Variants in P2RX5 observed in about 807,000 individuals in gnomAD.
The protein encoded by P2RX5 is purinergic receptor P2X 5.
In P2RX5, 46 loss-of-function variants were observed where a neutral mutation model predicts 54.1. The observed-to-expected ratio is 0.85, with a 90% confidence interval of 0.67 to 1.09. The LOEUF is 1.09. P2RX5 is among the 50% of genes least tolerant of loss of function. The pLI is 0.00. For missense variants in P2RX5, 566 were observed against 549.8 expected (o/e 1.03, Z -0.29); for synonymous variants, 226 against 226.4 (o/e 1.00, Z 0.02).
At chr17:3,722,853 G>A in the P2RX5 span, among the ~76,000 whole-genome samples, 1 of 152,206 alleles carries the variant, frequency 6.6e-6, no homozygotes, top group African/African-American at 2.4e-5. Context: ...GCTCTTAGAA[G>A]ACGGATAGCT....
At position 3,679,680 on chromosome 17, in the gene P2RX5, TGCTGCTCCG is replaced by T; in HGVS notation, c.1160_1168del (p.Pro387_Gln389del). ...CGCCTCGGGTGGCTCCTGCAGCTCC[TGCTGCTCCG>T]GCATCCCCAGCAGCCCTGGCCCAGA... On this transcript the variant is annotated inframe_deletion, in exon 11 of 12. Transcript: ENST00000225328. The T allele has an allele frequency of 6.2e-7, 1 of 1,611,764 alleles. No homozygotes were observed. Among genetic ancestry groups the T allele is most frequent in the East Asian group, 2.2e-5 (1 of 44,892 alleles).
the P2RX5 span, among the ~76,000 whole-genome samples, chr17:3,709,268 C>G: frequency 6.6e-6 from 1 of 152,170 alleles, no homozygotes; most frequent in Non-Finnish European, 1.5e-5. Context: ...CAGGTCATCT[C>G]AGCCTCTGAG....
In P2RX5 at chr17:3,696,022, G is replaced by A. The variant is rs1459063661; in HGVS notation, c.-17C>T. 1 of 1,612,846 alleles carries A rather than the reference G, an allele frequency of 6.2e-7. No individual in the cohort carries two copies. Among genetic ancestry groups the A allele is most frequent in the South Asian group, 1.1e-5 (1 of 91,052 alleles). On this transcript the variant is annotated 5_prime_UTR_variant, in exon 1 of 12. Coordinates refer to ENST00000225328, the MANE Select transcript of P2RX5 (RefSeq NM_002561.4). Reference sequence around the variant, plus strand: ...CTGCCCCATGGCGCGCTCTCAGCCGGGCTTGCGGACCGCCCGGCCCACGTG... The same window carrying A: ...CTGCCCCATGGCGCGCTCTCAGCCGAGCTTGCGGACCGCCCGGCCCACGTG...
intron 11 of P2RX5, chr17:3,675,581 T>A: frequency 1.0e-6 from 1 of 979,604 alleles, no homozygotes; most frequent in Middle Eastern, 5.3e-4. Context: ...TGAGACTGAG[T>A]CTCACTGTCG....
At chr17:3,721,178 C>T in the P2RX5 span, among the ~76,000 whole-genome samples, 1 of 151,704 alleles carries the variant, frequency 6.6e-6, no homozygotes, top group Non-Finnish European at 1.5e-5. Flanking sequence ...ATCCACCCAC[C>T]TTAGCCTCCC....
chr17:3,692,949 A>G (rs981077557), intron 1 of P2RX5, among the ~76,000 whole-genome samples: 2 of 152,348 alleles, frequency 1.3e-5, no homozygotes, highest in East Asian at 1.9e-4. Context: ...ATGTTCATGC[A>G]TCAAAAGACA....
Position 3,695,940 on chromosome 17 carries a change from G to A in P2RX5, c.66C>T (p.Val22=), listed in dbSNP as rs1567741962. Residue 22 remains valine, a synonymous_variant, in exon 1 of 12, where the codon GTC becomes GTT. Coordinates refer to ENST00000225328, the MANE Select transcript of P2RX5 (RefSeq NM_002561.4). The part of the protein sequence containing the change: ...SLFDYKTEKY[V]IAKNKKVGLL... ...GGCCCACCTTCTTGTTCTTGGCGAT[G>A]ACATACTTCTCGGTCTTGTAGTCGA... 13 of 1,613,988 alleles carry A rather than the reference G, an allele frequency of 8.1e-6. No homozygotes were observed. The highest frequency in any genetic ancestry group is 1.1e-5 in the Non-Finnish European group (13 of 1,179,966).
intron 11 of P2RX5, among the ~76,000 whole-genome samples, chr17:3,678,506 C>A (rs2050154504): frequency 6.6e-6 from 1 of 152,230 alleles, no homozygotes. Context: ...GCTCAGGGAG[C>A]ACAGGAGGGC....
intron 10 of P2RX5, among the ~76,000 whole-genome samples, chr17:3,680,873 C>A (rs222772): frequency 3.6e-4 from 31 of 86,502 alleles, no homozygotes; most frequent in East Asian, 2.3e-3. Context: ...GTCCTCCACC[C>A]AGTGTCCTCC....
chr17:3,691,409 C>T (rs2050613246), intron 2 of P2RX5, among the ~76,000 whole-genome samples: 1 of 152,244 alleles, frequency 6.6e-6, no homozygotes, highest in African/African-American at 2.4e-5. Context: ...CCCATTTGTT[C>T]TCAGCAGACT....
chr17:3,706,897 A>T, the P2RX5 span, among the ~76,000 whole-genome samples: 1 of 152,244 alleles, frequency 6.6e-6, no homozygotes, highest in Non-Finnish European at 1.5e-5. Context: ...GGCGTGCGCC[A>T]CTGCGCCCAC....
At chr17:3,701,263 T>G in the P2RX5 span, among the ~76,000 whole-genome samples, 43 of 152,198 alleles carry the variant, frequency 2.8e-4, no homozygotes, top group Admixed American at 7.9e-4. Flanking sequence ...CATCAGCTAT[T>G]GTTAGTGTGA....
chr17:3,710,132 T>C, the P2RX5 span, among the ~76,000 whole-genome samples: 1 of 151,608 alleles, frequency 6.6e-6, no homozygotes, highest in African/African-American at 2.4e-5. Context: ...GCAGATTATT[T>C]AAGACTGCAG....
intron 11 of P2RX5, chr17:3,675,446 C>T (rs529534735): frequency 2.0e-6 from 2 of 985,418 alleles, no homozygotes; most frequent in African/African-American, 3.5e-5. Flanking sequence ...AGCCATGACC[C>T]CTGCCTTTTT....
the P2RX5 span, among the ~76,000 whole-genome samples, chr17:3,705,960 ATT>A: frequency 1.4e-4 from 20 of 142,030 alleles, no homozygotes; most frequent in Non-Finnish European, 1.6e-5. Flanking sequence ...CACCTGGATA[ATT>A]TTTTTTTTTT....
Position 3,694,767 on chromosome 17 carries a change from G to T in P2RX5, c.137+1102C>A, listed in dbSNP as rs1250568895. The stretch of plus-strand genomic sequence containing the variant: ...ATTCCCTAAGCAGTTAAGTGCTGCT[G>T]GGGCCCCACCCTCAGGGCATTCCCG... On this transcript the variant is annotated intron_variant, in intron 1 of 11. Transcript: ENST00000225328. 2.6e-5 allele frequency among the ~76,000 whole-genome samples: 4 copies of T among 152,222 alleles called. No individual in the cohort carries two copies. The East Asian group carries it at 7.7e-4, about 29-fold the overall frequency.
chr17:3,675,354 G>C, intron 11 of P2RX5: 1 of 984,810 alleles, frequency 1.0e-6, no homozygotes, highest in African/African-American at 1.7e-5. Context: ...AGACATTTTT[G>C]TTGCAATATG....
upstream of P2RX5, chr17:3,696,292 T>G: frequency 4.4e-6 from 1 of 225,240 alleles, no homozygotes; most frequent in Non-Finnish European, 8.3e-6. Context: ...CCTCCTCCCC[T>G]GACACAGTGA....
rs748659735 is a variant in P2RX5 at position 3,695,908 on chromosome 17, T to G, written c.98A>C (p.Tyr33Ser). ...IAKNKKVGLL[Y>S]RLLQASILAY... ...CAGGATGGAGGCCTGCAGCAGCCGG[T>G]ACAGCAGGCCCACCTTCTTGTTCTT... is the stretch of plus-strand genomic sequence containing the variant. Residue 33 changes from tyrosine (Y) to serine (S), a missense_variant, in exon 1 of 12, where the codon TAC becomes TCC. Coordinates refer to ENST00000225328, the MANE Select transcript of P2RX5 (RefSeq NM_002561.4). 137 of 1,610,450 alleles carry G rather than the reference T, an allele frequency of 8.5e-5. No individual in the cohort carries two copies. The highest frequency in any genetic ancestry group is 1.1e-4 in the Non-Finnish European group (132 of 1,177,892).
Sources: gnomAD v4.1 joint callset for allele counts (sites outside exome capture counted in the v4.1 genomes callset) on GRCh38, gnomAD v4.1.1 for gene constraint, MANE v1.5 for transcripts, NCBI Gene and HGNC (gene_info 2026-07-23, HGNC 2026-07-21) for gene names.